The following OR2L13 variants were observed in gnomAD, a reference collection of about 807,000 sequenced individuals.
OR2L13 encodes the protein olfactory receptor family 2 subfamily L member 13.
Under a neutral mutation model 15.3 loss-of-function variants are expected in OR2L13, and 14 were observed. The observed-to-expected ratio is 0.91, with a 90% CI of 0.60 to 1.43. OR2L13 has a LOEUF of 1.43. OR2L13 is among the 40% of genes most tolerant of loss of function. The pLI, the probability that OR2L13 is intolerant of heterozygous loss-of-function variation, is 0.00. For synonymous variants in OR2L13, 152 were observed against 142.9 expected, an observed-to-expected ratio of 1.06 and a Z score of -0.45; for missense variants, 367 against 387.9, an observed-to-expected ratio of 0.95 and a Z score of 0.45.
upstream of OR2L13, among the ~76,000 whole-genome samples, chr1:248,090,716 T>A (rs1415615314): frequency 1.3e-5 from 2 of 152,242 alleles, no homozygotes; most frequent in Non-Finnish European, 2.9e-5. Flanking sequence ...TTCCATGTCT[T>A]CGCTATTGTG....
chr1:248,095,925 A>G (rs115490495), upstream of OR2L13, among the ~76,000 whole-genome samples: 3 of 151,596 alleles, frequency 2.0e-5, no homozygotes, highest in Non-Finnish European at 4.4e-5. Context: ...TTTTTATACC[A>G]CTATATAAAC....
At chr1:248,050,304 G>T in the OR2L13 span, among the ~76,000 whole-genome samples, 1 of 151,428 alleles carries the variant, frequency 6.6e-6, no homozygotes, top group Non-Finnish European at 1.5e-5. Flanking sequence ...TTTCTTAATA[G>T]GCTAAAATAC....
At chr1:248,047,819 A>G in the OR2L13 span, among the ~76,000 whole-genome samples, 1 of 152,136 alleles carries the variant, frequency 6.6e-6, no homozygotes, top group African/African-American at 2.4e-5. Flanking sequence ...GATGCTGGCA[A>G]TGATAATGAT....
At chr1:247,988,221 T>C in the OR2L13 span, among the ~76,000 whole-genome samples, 1 of 152,080 alleles carries the variant, frequency 6.6e-6, no homozygotes, top group East Asian at 1.9e-4. Flanking sequence ...GGTCCTGTTA[T>C]ATTAATTTTC....
At chr1:248,036,390 T>C in the OR2L13 span, among the ~76,000 whole-genome samples, 1 of 152,238 alleles carries the variant, frequency 6.6e-6, no homozygotes, top group East Asian at 1.9e-4. Flanking sequence ...ATTTATTTGG[T>C]GGATTTTATA....
the OR2L13 span, chr1:248,024,020 T>C: frequency 6.6e-6 from 1 of 151,784 alleles, no homozygotes; most frequent in East Asian, 1.9e-4. Context: ...TATATTTTTA[T>C]TTTTATTTGT....
exon 3 of OR2L13, chr1:248,099,952 G>A: frequency 6.2e-7 from 1 of 1,614,032 alleles, no homozygotes; most frequent in Non-Finnish European, 8.5e-7. Flanking sequence ...AGATACTTGG[G>A]TCTATGAATA....
chr1:248,040,219 G>GTTTTTA, the OR2L13 span: 1 of 152,226 alleles, frequency 6.6e-6, no homozygotes, highest in African/African-American at 2.4e-5. Context: ...TGCTTAAAAG[G>GTTTTTA]ATCAACATTA....
At chr1:248,072,994 G>A in the OR2L13 span, among the ~76,000 whole-genome samples, 1 of 50,044 alleles carries the variant, frequency 2.0e-5, no homozygotes, top group Non-Finnish European at 8.0e-5. Flanking sequence ...TGGAGAGGAT[G>A]TGGAGAAATA....
the OR2L13 span, among the ~76,000 whole-genome samples, chr1:248,073,830 A>G: frequency 6.6e-6 from 1 of 151,868 alleles, no homozygotes; most frequent in Admixed American, 6.6e-5. Context: ...CTTAAAAACC[A>G]CAAATCTCTC....
the OR2L13 span, chr1:247,965,993 T>C: frequency 6.2e-7 from 1 of 1,612,234 alleles, no homozygotes; most frequent in South Asian, 1.1e-5. Flanking sequence ...GGACTTATTA[T>C]CTTGCTACTA....
At chr1:248,056,520 T>A in the OR2L13 span, among the ~76,000 whole-genome samples, 1 of 152,182 alleles carries the variant, frequency 6.6e-6, no homozygotes, top group African/African-American at 2.4e-5. Context: ...TAACACTGAT[T>A]TCTCTGCATC....
At chr1:248,094,559 A>C (rs1171723628), upstream of OR2L13, among the ~76,000 whole-genome samples, 1 of 152,238 alleles carries the variant, frequency 6.6e-6, no homozygotes, top group Non-Finnish European at 1.5e-5. Flanking sequence ...AATTAGTGGC[A>C]TAGCTGTCAG....
At chr1:248,051,690 C>T in the OR2L13 span, among the ~76,000 whole-genome samples, 7 of 152,204 alleles carry the variant, frequency 4.6e-5, no homozygotes, top group South Asian at 8.3e-4. Context: ...CATCATGCAA[C>T]ATATCCATGT....
chr1:248,099,542 C>A lies in OR2L13; in HGVS notation c.167C>A (p.Thr56Lys), dbSNP rs768270656. The change falls in exon 3 of 3, where the codon ACA becomes AAA. Residue 56 changes from threonine to lysine, a missense_variant. Transcript: ENST00000641714. ...ATCCACGTGGATCCTCGTCTCCACA[C>A]ACCGATGTACTTTCTTCTCAGCCAG... 1.9e-6 allele frequency: 3 copies of A among 1,614,028 alleles called. No homozygotes were observed. The South Asian group carries it at 3.3e-5, about 18-fold the overall frequency.
chr1:248,064,248 GA>G, the OR2L13 span, among the ~76,000 whole-genome samples: 1 of 152,146 alleles, frequency 6.6e-6, no homozygotes, highest in Non-Finnish European at 1.5e-5. Flanking sequence ...GCACCCTCTT[GA>G]ATAAGATTAA....
chr1:248,070,689 T>A, the OR2L13 span, among the ~76,000 whole-genome samples: 1 of 152,178 alleles, frequency 6.6e-6, no homozygotes, highest in East Asian at 1.9e-4. Flanking sequence ...ATCCAGGAGC[T>A]GGTTTTTTGA....
the OR2L13 span, among the ~76,000 whole-genome samples, chr1:247,958,703 TC>T: frequency 6.6e-6 from 1 of 152,098 alleles, no homozygotes; most frequent in East Asian, 1.9e-4. Context: ...GTAATGGCCT[TC>T]TTTGTCTCTT....
At chr1:248,011,156 A>G in the OR2L13 span, among the ~76,000 whole-genome samples, 3 of 152,118 alleles carry the variant, frequency 2.0e-5, no homozygotes, top group Non-Finnish European at 4.4e-5. Context: ...GGTGGTGACA[A>G]AATCTCTTAG....
Sources: allele counts gnomAD v4.1 joint callset (sites outside exome capture counted in the v4.1 genomes callset), GRCh38; gene constraint gnomAD v4.1.1; transcripts MANE v1.5; gene names NCBI Gene and HGNC (gene_info 2026-07-23, HGNC 2026-07-21).